Variants in DSE observed in about 807,000 individuals in gnomAD.
DSE encodes dermatan-sulfate epimerase.
DSE carries 36 observed loss-of-function variants against 84.4 expected under a neutral mutation model. The observed-to-expected ratio is 0.43, with a 90% CI of 0.33 to 0.56. The LOEUF is 0.56. Among genes scored for constraint, DSE ranks in the 20% least tolerant of loss-of-function variants. DSE has a pLI of 0.06. For synonymous variants in DSE, 410 were observed against 430.1 expected, an observed-to-expected ratio of 0.95 and a Z score of 0.58; for missense variants, 862 against 1,169.6, an observed-to-expected ratio of 0.74 and a Z score of 3.84.
In DSE at chr6:116,312,348, G is replaced by A. The variant is rs545371861; in HGVS notation, c.-54+53381G>A. 2.0e-4 allele frequency among the ~76,000 whole-genome samples: 31 copies of A among 152,340 alleles called. 1 individual carries two copies. The Middle Eastern group carries it at 0.01, about 50-fold the overall frequency. ...ATAATTCAGACACAAGCACTCAAGG[G>A]TTTAGAGGAAGATAAGTTACTTTTA... is the stretch of plus-strand genomic sequence containing the variant. On this transcript the variant is annotated intron_variant, in intron 2 of 3. Transcript: ENST00000430252.
chr6:116,257,168 C>G (rs999143174), intron 1 of DSE: 1 of 152,002 alleles, frequency 6.6e-6, no homozygotes, highest in African/African-American at 2.4e-5. Context: ...TTCTATATAC[C>G]ATATACTTTT....
chr6:116,346,836 GT>G (rs1349334979), intron 2 of DSE, among the ~76,000 whole-genome samples: 9 of 152,174 alleles, frequency 5.9e-5, no homozygotes, highest in Non-Finnish European at 1.3e-4. Flanking sequence ...AATTGTCCCT[GT>G]TTGCAGATGA....
chr6:116,428,619 C>T (rs1044446296), intron 3 of DSE, among the ~76,000 whole-genome samples: 4 of 152,028 alleles, frequency 2.6e-5, no homozygotes, highest in Non-Finnish European at 1.5e-5. Flanking sequence ...ACATTTATGA[C>T]AAGACTAGAC....
chr6:116,399,787 GTTAT>G, intron 2 of DSE, 121 bp downstream of exon 2: 2 of 909,264 alleles, frequency 2.2e-6, no homozygotes, highest in Non-Finnish European at 3.3e-6. Flanking sequence ...GGGGGGAGGT[GTTAT>G]TTGTTATTTG....
rs1343670203 is a variant in DSE at position 116,438,756 on chromosome 6, TCTTA to T, written c.*1415_*1418del. 6.6e-6 allele frequency: 1 copy of T among 152,224 alleles called. No homozygotes were observed. The highest frequency in any genetic ancestry group is 1.5e-5 in the Non-Finnish European group (1 of 68,034). 9.4% of individuals were successfully genotyped at this position (152,224 alleles called of 1,614,324 possible). A position where few individuals can be genotyped will look rare whatever the true frequency, so the allele number is the denominator to read the frequency against. ...GTAAAGTAACAACAGTAACCTTTCC[TCTTA>T]CTTGCTCTTTTAGTTCACAGCAATA... On this transcript the variant is annotated 3_prime_UTR_variant, in exon 6 of 6. Coordinates refer to ENST00000644252, the MANE Select transcript of DSE (RefSeq NM_013352.4).
chr6:116,290,986 A>G (rs988356334), intron 2 of DSE, among the ~76,000 whole-genome samples: 2 of 152,194 alleles, frequency 1.3e-5, no homozygotes, highest in African/African-American at 4.8e-5. Flanking sequence ...TCTGTAGCAC[A>G]GAAGATTGGA....
rs142600398 is a variant in DSE, at chr6:116,254,214, GTCT to G, written c.-652_-650del. On this transcript the variant is annotated 5_prime_UTR_variant, in exon 1 of 4. Coordinates refer to the DSE transcript ENST00000430252. ...GCTTATCAATCCATCGTATTCCTTT[GTCT>G]TCTTGTCACAAAAAGAATTTCGTCA... The G allele has an allele frequency of 5.1e-3, 3,656 of 716,364 alleles. 13 individuals carry two copies. The highest frequency in any genetic ancestry group is 7.0e-3 in the Non-Finnish European group (2,789 of 399,628). The allele number at this position is 716,364 out of a possible 1,614,324, so 44.4% of individuals were successfully genotyped here.
At chr6:116,411,615 T>G (rs961902545) in intron 2 of DSE, among the ~76,000 whole-genome samples, 1 of 152,238 alleles carries the variant, frequency 6.6e-6, no homozygotes, top group African/African-American at 2.4e-5. Flanking sequence ...AGAAAAAAAT[T>G]GGGAAATGAA....
intron 2 of DSE, among the ~76,000 whole-genome samples, chr6:116,260,700 T>C (rs1201647180): frequency 6.6e-6 from 1 of 152,226 alleles, no homozygotes; most frequent in African/African-American, 2.4e-5. Flanking sequence ...CTTTTGCATA[T>C]GATTAGCCAA....
rs190280428 is a variant in DSE at position 116,440,102 on chromosome 6, C to T, written c.*2757C>T. The T allele has an allele frequency of 1.3e-5, 2 of 152,036 alleles. No homozygotes were observed. Among genetic ancestry groups the T allele is most frequent in the East Asian group, 3.9e-4 (2 of 5,188 alleles). 9.4% of individuals were successfully genotyped at this position (152,036 alleles called of 1,614,324 possible). ...TAATCGTCAAAGTCAGGTGGAAGAC[C>T]GTGTTCTGGAACTATTTTAATTGTT... On this transcript the variant is annotated 3_prime_UTR_variant, in exon 6 of 6. Transcript: ENST00000644252.
At chr6:116,377,988 G>A (rs539292345) in intron 1 of DSE, among the ~76,000 whole-genome samples, 1 of 152,222 alleles carries the variant, frequency 6.6e-6, no homozygotes, top group African/African-American at 2.4e-5. Context: ...AATGGGGGCA[G>A]GCTCACCAAC....
chr6:116,392,885 G>A (rs556674435), intron 1 of DSE, among the ~76,000 whole-genome samples: 1 of 152,252 alleles, frequency 6.6e-6, no homozygotes, highest in South Asian at 2.1e-4. Flanking sequence ...AGGTAGGGAA[G>A]CCTAACATTA....
chr6:116,416,060 T>A (rs1782685319), intron 2 of DSE, among the ~76,000 whole-genome samples: 1 of 152,144 alleles, frequency 6.6e-6, no homozygotes, highest in Admixed American at 6.6e-5. Flanking sequence ...TCACATATAT[T>A]CCTTTGCTTG....
chr6:116,336,240 A>G (rs531136974), intron 2 of DSE, among the ~76,000 whole-genome samples: 2 of 152,360 alleles, frequency 1.3e-5, no homozygotes, highest in Admixed American at 1.3e-4. Context: ...TCTTGATGAC[A>G]TAGACAGAAT....
At chr6:116,319,288 A>G (rs1776163938) in intron 2 of DSE, among the ~76,000 whole-genome samples, 1 of 152,242 alleles carries the variant, frequency 6.6e-6, no homozygotes, top group Admixed American at 6.5e-5. Context: ...GCTCAGTGAT[A>G]TAAGACAACC....
rs775000729 is a variant in DSE, at chr6:116,375,091, A to T, written c.-54+3970A>T. 9.9e-4 allele frequency among the ~76,000 whole-genome samples: 151 copies of T among 152,208 alleles called. 1 individual carries two copies. Among genetic ancestry groups the T allele is most frequent in the Non-Finnish European group, 1.1e-3 (73 of 68,038 alleles). On this transcript the variant is annotated intron_variant, in intron 1 of 5. Transcript: ENST00000644252. ...TTTATACCTCAAGTTGGTGCCCAAC[A>T]TGGCAATGAGGCAAGTTATATATAA...
chr6:116,370,403 T>C, upstream of DSE: 1 of 415,510 alleles, frequency 2.4e-6, no homozygotes, highest in Non-Finnish European at 3.2e-6. Context: ...CCCCTCCCAC[T>C]AACTTCTCTT....
chr6:116,337,209 T>C (rs1777309183), intron 2 of DSE, among the ~76,000 whole-genome samples: 1 of 152,222 alleles, frequency 6.6e-6, no homozygotes, highest in Non-Finnish European at 1.5e-5. Context: ...GGCTCCTCAC[T>C]GCCATACTAC....
intron 2 of DSE, among the ~76,000 whole-genome samples, chr6:116,358,295 A>G (rs1476096600): frequency 1.3e-5 from 2 of 152,220 alleles, no homozygotes; most frequent in Admixed American, 6.5e-5. Flanking sequence ...ATAAATGAAA[A>G]TGTCATGTTT....
Sources: allele counts gnomAD v4.1 joint callset (sites outside exome capture counted in the v4.1 genomes callset), GRCh38; gene constraint gnomAD v4.1.1; transcripts MANE v1.5; gene names NCBI Gene and HGNC (gene_info 2026-07-23, HGNC 2026-07-21).